The following ARHGAP24 variants were observed in gnomAD, a reference collection of about 807,000 sequenced individuals.
ARHGAP24 encodes the protein rho GTPase-activating protein 24.
ARHGAP24 carries 50 observed loss-of-function variants against 76.4 expected under a neutral mutation model. The ratio of observed to expected loss-of-function variants is 0.65; its 90% CI spans 0.52 to 0.83. The LOEUF is 0.83. Among genes scored for constraint, ARHGAP24 ranks in the 40% least tolerant of loss-of-function variants. The probability of loss-of-function intolerance (pLI) is 0.00; values close to 1 mark genes in which losing one functional copy is unlikely to be tolerated. For synonymous variants in ARHGAP24, 345 were observed against 323.3 expected, an observed-to-expected ratio of 1.07 and a Z score of -0.72; for missense variants, 930 against 914.2, an observed-to-expected ratio of 1.02 and a Z score of -0.22.
intron 3 of ARHGAP24, among the ~76,000 whole-genome samples, chr4:85,803,988 G>C (rs1728686065): frequency 7.1e-6 from 1 of 140,498 alleles, no homozygotes; most frequent in African/African-American, 2.7e-5. Flanking sequence ...GTCTTGCTCT[G>C]TCACCCAGGC....
intron 3 of ARHGAP24, among the ~76,000 whole-genome samples, chr4:85,809,373 A>G (rs1023333916): frequency 1.3e-5 from 2 of 152,208 alleles, no homozygotes; most frequent in Non-Finnish European, 2.9e-5. Context: ...ATCTGGTTAT[A>G]TATTCATATT....
chr4:85,709,816 A>G (rs931588844), intron 2 of ARHGAP24, among the ~76,000 whole-genome samples: 2 of 152,176 alleles, frequency 1.3e-5, no homozygotes, highest in East Asian at 3.9e-4. Flanking sequence ...CAGGGAAGTG[A>G]AAGATCTCTA....
chr4:85,930,176 AG>A, intron 4 of ARHGAP24: 1 of 864,186 alleles, frequency 1.2e-6, no homozygotes, highest in Non-Finnish European at 1.4e-6. Flanking sequence ...GAGCAGGAGG[AG>A]GGGGAGGAGA....
rs1736282744 is a variant in ARHGAP24, at chr4:85,930,735, T to G, written c.391+6965T>G. 3.9e-6 allele frequency: 5 copies of G among 1,289,074 alleles called. No homozygotes were observed. The Middle Eastern group carries it at 9.0e-4, about 231-fold the overall frequency. 79.9% of individuals were successfully genotyped at this position (1,289,074 alleles called of 1,614,324 possible). On this transcript the variant is annotated intron_variant, in intron 4 of 9. Coordinates refer to ENST00000395184, the MANE Select transcript of ARHGAP24 (RefSeq NM_001025616.3). ...ATTAGGCAAGAGAAAAGGAAGTTTT[T>G]TTTTGCTAAACAGGAGTAAATGAGA...
chr4:85,925,773 G>A (rs1735988116), intron 4 of ARHGAP24, among the ~76,000 whole-genome samples: 1 of 152,134 alleles, frequency 6.6e-6, no homozygotes. Context: ...CCCTATGGAT[G>A]AGTGGCTACT....
At chr4:85,689,908 G>A (rs1428357026) in intron 2 of ARHGAP24, among the ~76,000 whole-genome samples, 2 of 151,498 alleles carry the variant, frequency 1.3e-5, no homozygotes, top group East Asian at 3.9e-4. Context: ...GTGTTGAATA[G>A]GAATGGTGAA....
chr4:85,668,285 A>C (rs1445998768), intron 2 of ARHGAP24, among the ~76,000 whole-genome samples: 1 of 152,244 alleles, frequency 6.6e-6, no homozygotes, highest in Non-Finnish European at 1.5e-5. Flanking sequence ...AAGACCATTA[A>C]AGCAAAACAG....
At chr4:85,613,595 C>T (rs1040474691) in intron 2 of ARHGAP24, among the ~76,000 whole-genome samples, 3 of 152,120 alleles carry the variant, frequency 2.0e-5, no homozygotes, top group African/African-American at 7.2e-5. Context: ...ATTCTATTTG[C>T]AAACCAGTCA....
chr4:85,491,115 A>T (rs1193455743), intron 1 of ARHGAP24, among the ~76,000 whole-genome samples: 1 of 152,140 alleles, frequency 6.6e-6, no homozygotes, highest in African/African-American at 2.4e-5. Context: ...CAATTACCTT[A>T]TTATCTTGTT....
At chr4:85,927,272 G>A (rs1238936562) in intron 4 of ARHGAP24, among the ~76,000 whole-genome samples, 1 of 152,124 alleles carries the variant, frequency 6.6e-6, no homozygotes, top group Non-Finnish European at 1.5e-5. Flanking sequence ...TCATATGAAA[G>A]TATAGAACAG....
intron 2 of ARHGAP24, 70 bp from the exon 3 acceptor site, chr4:85,721,815 C>A: frequency 7.5e-7 from 1 of 1,335,504 alleles, no homozygotes; most frequent in Non-Finnish European, 1.1e-6. Context: ...TGGATATTCA[C>A]TGATTATAAT....
chr4:85,995,392 G>T lies in ARHGAP24; in HGVS notation c.1738G>T (p.Glu580Ter). 3 of 1,613,312 alleles carry T rather than the reference G, an allele frequency of 1.9e-6. No individual in the cohort carries two copies. The highest frequency in any genetic ancestry group is 2.5e-6 in the Non-Finnish European group (3 of 1,179,354). Residue 580 changes from glutamate (E) to a stop codon, truncating the protein, a stop_gained, in exon 9 of 10, where the codon GAG becomes TAG. Coordinates refer to ENST00000395184, the MANE Select transcript of ARHGAP24 (RefSeq NM_001025616.3). LOFTEE classifies it high-confidence loss of function. ...TCGCTCTTCTACCACCACCTGCCCA[G>T]AGCAAGACTTTTTTGGGGGGAACTT... ...SCRSSTTTCPEQDFFGGNFED... is the reference protein window; with the variant it reads ...SCRSSTTTCP
At chr4:85,684,912 C>T (rs563267307) in intron 2 of ARHGAP24, among the ~76,000 whole-genome samples, 1 of 152,220 alleles carries the variant, frequency 6.6e-6, no homozygotes, top group African/African-American at 2.4e-5. Context: ...ACAAAGTGTC[C>T]TACAGTAACA....
intron 1 of ARHGAP24, among the ~76,000 whole-genome samples, chr4:85,564,400 G>A (rs540352873): frequency 2.1e-5 from 3 of 145,206 alleles, no homozygotes; most frequent in South Asian, 4.3e-4. Flanking sequence ...TTGTGGGGTG[G>A]GGGGAGCGGG....
At chr4:85,620,001 A>G (rs775204615) in intron 2 of ARHGAP24, among the ~76,000 whole-genome samples, 39 of 151,980 alleles carry the variant, frequency 2.6e-4, no homozygotes, top group Admixed American at 5.2e-4. Flanking sequence ...CTTGAATGCC[A>G]GGTAGAAATC....
chr4:85,706,622 G>C (rs1238996716), intron 2 of ARHGAP24, among the ~76,000 whole-genome samples: 1 of 151,516 alleles, frequency 6.6e-6, no homozygotes, highest in African/African-American at 2.4e-5. Context: ...CTGGAGTGCA[G>C]TGGCGTGATC....
chr4:85,708,265 C>A (rs1286618952), intron 2 of ARHGAP24, among the ~76,000 whole-genome samples: 2 of 152,026 alleles, frequency 1.3e-5, no homozygotes, highest in Non-Finnish European at 2.9e-5. Context: ...AAACTCTGTT[C>A]TAGTAATTAC....
intron 2 of ARHGAP24, among the ~76,000 whole-genome samples, chr4:85,671,467 T>G (rs959088677): frequency 6.6e-6 from 1 of 152,168 alleles, no homozygotes; most frequent in Admixed American, 6.6e-5. Flanking sequence ...ATGAAATAAA[T>G]ATTTGTCAAA....
At chr4:85,931,081 A>G (rs1560725856) in intron 4 of ARHGAP24, 1 of 1,559,716 alleles carries the variant, frequency 6.4e-7, no homozygotes, top group East Asian at 2.4e-5. Context: ...TTATAAATAT[A>G]AATAATATTA....
Sources: gnomAD v4.1 joint callset for allele counts (sites outside exome capture counted in the v4.1 genomes callset) on GRCh38, gnomAD v4.1.1 for gene constraint, MANE v1.5 for transcripts, NCBI Gene and HGNC (gene_info 2026-07-23, HGNC 2026-07-21) for gene names.